MOB3B: variants seen among roughly 807,000 people sequenced by gnomAD.
MOB3B encodes MOB kinase activator 3B.
Under a neutral mutation model 18.7 loss-of-function variants are expected in MOB3B, and 7 were observed. That is an observed-to-expected ratio of 0.37 (90% CI 0.21 to 0.70). MOB3B has a LOEUF of 0.70. MOB3B is among the 30% of genes least tolerant of loss of function. The probability of loss-of-function intolerance (pLI) is 0.52; values close to 1 mark genes in which losing one functional copy is unlikely to be tolerated. For synonymous variants in MOB3B, 111 were observed against 99.9 expected (o/e 1.11, Z -0.66); for missense variants, 253 against 281.3 (o/e 0.90, Z 0.72).
chr9:27,400,823 T>G (rs1821867201), intron 2 of MOB3B, among the ~76,000 whole-genome samples: 1 of 152,250 alleles, frequency 6.6e-6, no homozygotes, highest in Non-Finnish European at 1.5e-5. Context: ...TCTTAGATGC[T>G]TTCTAGTCCT....
intron 1 of MOB3B, among the ~76,000 whole-genome samples, chr9:27,479,723 A>T (rs1819617840): frequency 6.6e-6 from 1 of 152,216 alleles, no homozygotes; most frequent in Non-Finnish European, 1.5e-5. Flanking sequence ...AGAGTGATTA[A>T]CTTAAAGTAC....
At chr9:27,414,368 G>A (rs914012335) in intron 2 of MOB3B, among the ~76,000 whole-genome samples, 3 of 152,140 alleles carry the variant, frequency 2.0e-5, no homozygotes, top group African/African-American at 7.2e-5. Flanking sequence ...GTGAACCCGG[G>A]GGGCTCGTTC....
At chr9:27,481,520 G>GTTTTTTT (rs1224985717) in intron 1 of MOB3B, among the ~76,000 whole-genome samples, 1 of 91,728 alleles carries the variant, frequency 1.1e-5, no homozygotes, top group African/African-American at 3.5e-5. Flanking sequence ...TGTTTTTTTT[G>GTTTTTTT]TTTTTTTTTT....
chr9:27,388,250 C>T (rs191941733), intron 2 of MOB3B, among the ~76,000 whole-genome samples: 34 of 152,232 alleles, frequency 2.2e-4, no homozygotes, highest in African/African-American at 7.5e-4. Context: ...GACTGATTTG[C>T]GTCTAAAATG....
At chr9:27,408,531 C>T (rs1822020079) in intron 2 of MOB3B, among the ~76,000 whole-genome samples, 1 of 152,290 alleles carries the variant, frequency 6.6e-6, no homozygotes, top group Middle Eastern at 3.4e-3. Flanking sequence ...CATTTGGTTA[C>T]ATGAAGCTAC....
intron 2 of MOB3B, among the ~76,000 whole-genome samples, chr9:27,386,258 T>C (rs980626350): frequency 2.0e-5 from 3 of 152,172 alleles, no homozygotes; most frequent in Admixed American, 6.5e-5. Flanking sequence ...TCCTATATCA[T>C]GGGATTGAGG....
intron 2 of MOB3B, among the ~76,000 whole-genome samples, chr9:27,364,651 C>T (rs1821318194): frequency 6.6e-6 from 1 of 152,112 alleles, no homozygotes; most frequent in African/African-American, 2.4e-5. Flanking sequence ...CCTCACTTTC[C>T]CCTTAAAGAA....
intron 2 of MOB3B, among the ~76,000 whole-genome samples, chr9:27,376,926 A>G (rs1671418413): frequency 6.6e-6 from 1 of 152,192 alleles, no homozygotes; most frequent in Non-Finnish European, 1.5e-5. Flanking sequence ...TGCTTAACCA[A>G]GTGGGAAGTC....
At position 27,497,890 on chromosome 9, in the gene MOB3B, A is replaced by G. The variant is rs573948103; in HGVS notation, c.-199+31665T>C. 1.1e-4 allele frequency among the ~76,000 whole-genome samples: 17 copies of G among 152,356 alleles called. No homozygotes were observed. In the East Asian group the frequency reaches 3.3e-3, roughly 29 times the overall value. ...TATTAGCTGATCCTTGTTTAGAAGC[A>G]GTCCACTGATTTTTAGTAAATCAAA... On this transcript the variant is annotated intron_variant, in intron 1 of 3. Coordinates refer to ENST00000262244, the MANE Select transcript of MOB3B (RefSeq NM_024761.5).
intron 2 of MOB3B, among the ~76,000 whole-genome samples, chr9:27,401,357 G>T (rs1821875436): frequency 6.6e-6 from 1 of 152,200 alleles, no homozygotes; most frequent in Non-Finnish European, 1.5e-5. Context: ...AGTCCTGAAA[G>T]AGGGGCTGTA....
intron 3 of MOB3B, among the ~76,000 whole-genome samples, chr9:27,340,513 G>C (rs1820923511): frequency 1.3e-5 from 2 of 152,156 alleles, no homozygotes; most frequent in Non-Finnish European, 2.9e-5. Context: ...GAAAGCAAGA[G>C]CATTAATCAA....
At chr9:27,506,076 T>C (rs1820054926) in intron 1 of MOB3B, among the ~76,000 whole-genome samples, 2 of 152,216 alleles carry the variant, frequency 1.3e-5, no homozygotes, top group African/African-American at 2.4e-5. Context: ...CAGAGAAGCA[T>C]TGCCTTATTG....
intron 2 of MOB3B, among the ~76,000 whole-genome samples, chr9:27,449,984 T>TA (rs35983173): frequency 0.19 from 21,426 of 115,566 alleles, 1,777 homozygotes; most frequent in Middle Eastern, 0.26. Flanking sequence ...TCTCAAAAAT[T>TA]AAAAAAAAAA....
intron 2 of MOB3B, among the ~76,000 whole-genome samples, chr9:27,430,414 T>G (rs1822400457): frequency 6.6e-6 from 1 of 152,192 alleles, no homozygotes; most frequent in Non-Finnish European, 1.5e-5. Context: ...AGGGTTCTGC[T>G]TCCTGAGCAA....
chr9:27,382,671 C>G (rs1319851170), intron 2 of MOB3B, among the ~76,000 whole-genome samples: 1 of 151,680 alleles, frequency 6.6e-6, no homozygotes, highest in Admixed American at 6.6e-5. Context: ...TAAATGTGAA[C>G]TTGCAGTAAG....
At chr9:27,456,476 T>C (rs1042775607) in intron 1 of MOB3B, among the ~76,000 whole-genome samples, 6 of 152,186 alleles carry the variant, frequency 3.9e-5, no homozygotes, top group Non-Finnish European at 8.8e-5. Flanking sequence ...TGAGAAGAAC[T>C]AATCCTGATA....
At chr9:27,461,197 T>C (rs549561608) in intron 1 of MOB3B, among the ~76,000 whole-genome samples, 2 of 152,314 alleles carry the variant, frequency 1.3e-5, no homozygotes, top group African/African-American at 4.8e-5. Flanking sequence ...TTCCCAAATA[T>C]TGAATTAAAG....
At chr9:27,484,339 G>A (rs1405855576) in intron 1 of MOB3B, among the ~76,000 whole-genome samples, 1 of 152,184 alleles carries the variant, frequency 6.6e-6, no homozygotes, top group African/African-American at 2.4e-5. Flanking sequence ...TGTCTGCCAT[G>A]TAGGGGGTTG....
intron 2 of MOB3B, among the ~76,000 whole-genome samples, chr9:27,441,162 T>A (rs1334503302): frequency 6.6e-6 from 1 of 152,190 alleles, no homozygotes; most frequent in African/African-American, 2.4e-5. Flanking sequence ...CCAACAAATG[T>A]AATGTCTTTT....
Sources: allele counts gnomAD v4.1 joint callset (sites outside exome capture counted in the v4.1 genomes callset), GRCh38; gene constraint gnomAD v4.1.1; transcripts MANE v1.5; gene names NCBI Gene and HGNC (gene_info 2026-07-23, HGNC 2026-07-21).